THSD7B: variants seen among roughly 807,000 people sequenced by gnomAD.
THSD7B encodes the protein thrombospondin type 1 domain containing 7B, also known as thrombospondin type-1 domain-containing protein 7B.
THSD7B carries 138 observed loss-of-function variants against 213.6 expected under a neutral mutation model. The ratio of observed to expected loss-of-function variants is 0.65; its 90% CI spans 0.56 to 0.74. The LOEUF is 0.74. Among genes scored for constraint, THSD7B ranks in the 30% least tolerant of loss-of-function variants. The pLI is 0.00. For synonymous variants in THSD7B, 742 were observed against 687.0 expected, an observed-to-expected ratio of 1.08 and a Z score of -1.25; for missense variants, 1,931 against 1,991.5, an observed-to-expected ratio of 0.97 and a Z score of 0.58.
intron 15 of THSD7B, among the ~76,000 whole-genome samples, chr2:137,523,829 ATT>A (rs1177753999): frequency 6.6e-6 from 1 of 151,978 alleles, no homozygotes; most frequent in South Asian, 2.1e-4. Context: ...GACACCATCT[ATT>A]TTTTTCCTAA....
intron 12 of THSD7B, among the ~76,000 whole-genome samples, chr2:137,355,602 G>C (rs188275299): frequency 1.5e-3 from 229 of 152,234 alleles, no homozygotes; most frequent in African/African-American, 5.4e-3. Flanking sequence ...ACAGGAGTAT[G>C]CAATTCCCAA....
intron 3 of THSD7B, among the ~76,000 whole-genome samples, chr2:137,088,176 G>T (rs368697356): frequency 1.3e-5 from 2 of 151,954 alleles, no homozygotes; most frequent in African/African-American, 4.8e-5. Flanking sequence ...GGAGGTGGAG[G>T]TTGCAGTAAG....
intron 12 of THSD7B, among the ~76,000 whole-genome samples, chr2:137,281,539 C>A (rs1451688219): frequency 6.6e-6 from 1 of 151,708 alleles, no homozygotes; most frequent in Admixed American, 6.6e-5. Context: ...GGTATATCTC[C>A]CAATGCTATC....
chr2:137,670,380 T>C (rs547761903), intron 27 of THSD7B, among the ~76,000 whole-genome samples: 1 of 152,312 alleles, frequency 6.6e-6, no homozygotes, highest in South Asian at 2.1e-4. Context: ...AAAAACTCTT[T>C]CAAATTTATC....
At chr2:137,003,527 G>A (rs1309495068) in intron 2 of THSD7B, among the ~76,000 whole-genome samples, 1 of 152,182 alleles carries the variant, frequency 6.6e-6, no homozygotes, top group Non-Finnish European at 1.5e-5. Flanking sequence ...GTATTGTGAA[G>A]TATAATGTAA....
Position 137,616,177 on chromosome 2 carries a change from A to T in THSD7B, c.3426A>T (p.Ser1142=). The T allele has an allele frequency of 6.2e-7, 1 of 1,611,116 alleles. No individual in the cohort carries two copies. The highest frequency in any genetic ancestry group is 1.1e-5 in the South Asian group (1 of 90,280). The change falls in exon 18 of 28, where the codon TCA becomes TCT. Residue 1142 remains serine, a splice_region_variant and synonymous_variant. Coordinates refer to ENST00000409968, the MANE Select transcript of THSD7B (RefSeq NM_001316349.2). ...TTTTCCTACTCTGATTTTAATAGTC[A>T]TGCGATCCCCACACAATGCAGAGAA... The part of the protein sequence containing the change: ...EWGLWSKCPQ[S]CDPHTMQRRT...
intron 2 of THSD7B, among the ~76,000 whole-genome samples, chr2:137,037,854 G>A (rs1686806829): frequency 6.6e-6 from 1 of 152,066 alleles, no homozygotes; most frequent in African/African-American, 2.4e-5. Flanking sequence ...AACTTTTATG[G>A]ACATTAAGGA....
rs145465605 is a variant in THSD7B at position 136,917,622 on chromosome 2, T to A, written c.139+35305T>A. Among the ~76,000 whole-genome samples the A allele has an allele frequency of 2.1e-3, 316 of 152,334 alleles. 1 individual carries two copies. Among genetic ancestry groups the A allele is most frequent in the Non-Finnish European group, 3.3e-3 (225 of 68,034 alleles). On this transcript the variant is annotated intron_variant, in intron 2 of 27. Coordinates refer to ENST00000409968, the MANE Select transcript of THSD7B (RefSeq NM_001316349.2). The stretch of plus-strand genomic sequence containing the variant: ...TGATTAGTATACAGATTGGGACATA[T>A]TTGGTTTCATTTCAGTCTGTTCCCA...
intron 1 of THSD7B, among the ~76,000 whole-genome samples, chr2:136,787,713 T>C (rs1336436507): frequency 1.3e-5 from 2 of 152,180 alleles, no homozygotes; most frequent in African/African-American, 2.4e-5. Flanking sequence ...AGAAATATAC[T>C]GCTATCCCTT....
chr2:137,573,083 G>A (rs1451866533), intron 17 of THSD7B, among the ~76,000 whole-genome samples: 2 of 150,952 alleles, frequency 1.3e-5, no homozygotes, highest in African/African-American at 2.4e-5. Flanking sequence ...AAAAACTAAA[G>A]GATATACCTT....
chr2:137,085,075 A>T lies in THSD7B; in HGVS notation c.951-9798A>T, dbSNP rs548960867. Among the ~76,000 whole-genome samples the T allele has an allele frequency of 1.4e-4, 21 of 152,356 alleles. No homozygotes were observed. In the East Asian group the frequency reaches 3.9e-3, roughly 28 times the overall value. ...TGCTCCCTTTCTCTAGTGAGCTGTCATAAAAGCACCATCCAGGTTTATACA... is the reference window on the plus strand; with the variant it reads ...TGCTCCCTTTCTCTAGTGAGCTGTCTTAAAAGCACCATCCAGGTTTATACA... On this transcript the variant is annotated intron_variant, in intron 3 of 27. Coordinates refer to ENST00000409968, the MANE Select transcript of THSD7B (RefSeq NM_001316349.2).
At chr2:137,119,185 T>C (rs563329211) in intron 5 of THSD7B, among the ~76,000 whole-genome samples, 1 of 152,350 alleles carries the variant, frequency 6.6e-6, no homozygotes, top group South Asian at 2.1e-4. Context: ...GTAAACCACA[T>C]AAATGTTGTA....
intron 2 of THSD7B, among the ~76,000 whole-genome samples, chr2:137,026,104 C>T (rs768068540): frequency 6.6e-5 from 10 of 152,082 alleles, no homozygotes; most frequent in Admixed American, 4.6e-4. Flanking sequence ...CTCCTTCTAG[C>T]GCTAATATAG....
intron 6 of THSD7B, among the ~76,000 whole-genome samples, chr2:137,167,473 C>T (rs1680160084): frequency 6.6e-6 from 1 of 152,128 alleles, no homozygotes; most frequent in Non-Finnish European, 1.5e-5. Flanking sequence ...TGAGACATAA[C>T]ATTGCCTGTG....
intron 21 of THSD7B, among the ~76,000 whole-genome samples, chr2:137,654,164 C>G (rs1274060437): frequency 1.3e-5 from 2 of 152,028 alleles, no homozygotes; most frequent in African/African-American, 4.8e-5. Context: ...CATCTTGAGC[C>G]TAGGTTTGCT....
At chr2:137,395,149 T>A (rs1216377842) in intron 12 of THSD7B, among the ~76,000 whole-genome samples, 1 of 144,624 alleles carries the variant, frequency 6.9e-6, no homozygotes, top group African/African-American at 2.6e-5. Flanking sequence ...TTGAATACCC[T>A]TTATTTCCTT....
chr2:137,051,153 G>T (rs944336834), intron 2 of THSD7B, among the ~76,000 whole-genome samples: 8 of 152,178 alleles, frequency 5.3e-5, no homozygotes, highest in Non-Finnish European at 1.2e-4. Flanking sequence ...TTAATACTGT[G>T]TATAAAGTAA....
chr2:137,110,928 G>A (rs990172254), intron 4 of THSD7B, among the ~76,000 whole-genome samples: 1 of 152,172 alleles, frequency 6.6e-6, no homozygotes, highest in Admixed American at 6.5e-5. Flanking sequence ...TTGACATGCT[G>A]TACAGGTTTC....
chr2:136,946,576 C>T (rs1040385126), intron 2 of THSD7B, among the ~76,000 whole-genome samples: 5 of 152,210 alleles, frequency 3.3e-5, no homozygotes, highest in Admixed American at 6.5e-5. Flanking sequence ...TTCAGCTATG[C>T]CCTGCCGCAA....
Sources: allele counts gnomAD v4.1 joint callset (sites outside exome capture counted in the v4.1 genomes callset), GRCh38; gene constraint gnomAD v4.1.1; transcripts MANE v1.5; gene names NCBI Gene and HGNC (gene_info 2026-07-23, HGNC 2026-07-21).